TENM1: variants seen among roughly 807,000 people sequenced by gnomAD.
TENM1 encodes teneurin-1.
TENM1 carries 35 observed loss-of-function variants against 174.8 expected under a neutral mutation model. That is an observed-to-expected ratio of 0.20 (90% confidence interval 0.15 to 0.27). The LOEUF (loss-of-function observed/expected upper bound fraction) is 0.27, where lower values mean the gene tolerates loss of function less well. Ranked by LOEUF, TENM1 falls within the 10% of genes least tolerant of loss-of-function variation. TENM1 has a pLI of 1.00. For synonymous variants in TENM1, 781 were observed against 798.7 expected (o/e 0.98, Z 0.37); for missense variants, 1,633 against 2,130.1 (o/e 0.77, Z 4.59).
At chrX:125,116,865 G>T in the TENM1 span, among the ~76,000 whole-genome samples, 1 of 110,686 alleles carries the variant, frequency 9.0e-6, no homozygotes, top group Non-Finnish European at 1.9e-5. Context: ...CAAAAAATTA[G>T]CCAGGTGTAG....
intron 21 of TENM1, among the ~76,000 whole-genome samples, chrX:124,484,109 G>C (rs1233142520): frequency 9.0e-6 from 1 of 111,417 alleles, no homozygotes; most frequent in Non-Finnish European, 1.9e-5. Context: ...AGGAGTACTG[G>C]TCAGGTATTT....
chrX:124,649,997 T>A, intron 8 of TENM1, among the ~76,000 whole-genome samples: 1 of 106,305 alleles, frequency 9.4e-6, no homozygotes. Context: ...AGGTCAGGAG[T>A]TTGAGAGCAG....
intron 4 of TENM1, among the ~76,000 whole-genome samples, chrX:124,715,711 A>C (rs911275773): frequency 3.8e-5 from 4 of 106,243 alleles, no homozygotes; most frequent in Non-Finnish European, 7.7e-5. Flanking sequence ...GCTCGGTGCA[A>C]AGGCGTGATC....
chrX:124,437,996 C>T (rs1316113639), intron 23 of TENM1, among the ~76,000 whole-genome samples: 1 of 112,253 alleles, frequency 8.9e-6, no homozygotes, highest in African/African-American at 3.2e-5. Context: ...CTGATTCGTG[C>T]ACTTTCCCCT....
intron 5 of TENM1, chrX:124,688,421 A>C (rs1187483826): frequency 1.9e-5 from 2 of 107,208 alleles, no homozygotes; most frequent in East Asian, 5.9e-4. Flanking sequence ...TTTTTCTTTT[A>C]TTTTTTTTTA....
intron 3 of TENM1, among the ~76,000 whole-genome samples, chrX:124,829,161 C>T (rs1361663262): frequency 8.9e-6 from 1 of 111,836 alleles, no homozygotes; most frequent in Admixed American, 9.5e-5. Flanking sequence ...AAGATTATGG[C>T]AAAAATAATC....
intron 23 of TENM1, among the ~76,000 whole-genome samples, chrX:124,446,703 T>C (rs1202109859): frequency 3.5e-5 from 4 of 112,774 alleles, no homozygotes; most frequent in South Asian, 7.3e-4. Context: ...CAAGAAACTT[T>C]AGAAATTTGG....
intron 3 of TENM1, among the ~76,000 whole-genome samples, chrX:124,752,080 A>C (rs1016240879): frequency 9.0e-6 from 1 of 110,866 alleles, no homozygotes; most frequent in African/African-American, 3.3e-5. Context: ...GACTTCCACA[A>C]TGGTTGAACT....
At chrX:124,729,964 G>T (rs769288364) in intron 4 of TENM1, among the ~76,000 whole-genome samples, 1 of 111,273 alleles carries the variant, frequency 9.0e-6, no homozygotes, top group Non-Finnish European at 1.9e-5. Flanking sequence ...ACTCCCCGCC[G>T]GTTCAAGCGA....
At chrX:125,129,586 T>C in the TENM1 span, among the ~76,000 whole-genome samples, 1 of 109,806 alleles carries the variant, frequency 9.1e-6, no homozygotes, top group Non-Finnish European at 1.9e-5. Flanking sequence ...TATCTCCACT[T>C]CCCCCCACCC....
Position 124,522,503 on chromosome X carries a change from G to A in TENM1, c.3033+861C>T, listed in dbSNP as rs190047594. Among the ~76,000 whole-genome samples, 30 of 109,534 alleles carry A rather than the reference G, an allele frequency of 2.7e-4. No homozygotes were observed. In the East Asian group the frequency reaches 7.5e-3, roughly 27 times the overall value. ...TAATTCTCAGGAATGTTAAAATATCGAGGTTCAAAAATGTCTTCTCCTGAC... is the reference window on the plus strand; with the variant it reads ...TAATTCTCAGGAATGTTAAAATATCAAGGTTCAAAAATGTCTTCTCCTGAC... On this transcript the variant is annotated intron_variant, in intron 17 of 31. Transcript: ENST00000422452.
intron 15 of TENM1, among the ~76,000 whole-genome samples, chrX:124,543,143 A>T (rs752942032): frequency 8.9e-6 from 1 of 112,552 alleles, no homozygotes; most frequent in Non-Finnish European, 1.9e-5. Context: ...TGTCCCATCC[A>T]GAGGGGCAGC....
chrX:125,185,661 T>C, the TENM1 span, among the ~76,000 whole-genome samples: 1 of 112,177 alleles, frequency 8.9e-6, no homozygotes, highest in African/African-American at 3.2e-5. Flanking sequence ...GTCCAGAAGT[T>C]ATGGGAATCA....
intron 25 of TENM1, among the ~76,000 whole-genome samples, chrX:124,412,449 A>G (rs943376250): frequency 1.8e-5 from 2 of 112,582 alleles, no homozygotes; most frequent in African/African-American, 6.5e-5. Context: ...TTTAAGCCAG[A>G]GTTAAACTGT....
intron 5 of TENM1, among the ~76,000 whole-genome samples, chrX:124,672,385 G>A (rs1324486422): frequency 9.0e-6 from 1 of 111,544 alleles, no homozygotes; most frequent in Non-Finnish European, 1.9e-5. Flanking sequence ...ATAATATTAT[G>A]CAGAATGATT....
chrX:124,537,618 T>C (rs1384209052), intron 15 of TENM1, among the ~76,000 whole-genome samples: 1 of 112,060 alleles, frequency 8.9e-6, no homozygotes, highest in Non-Finnish European at 1.9e-5. Flanking sequence ...TATGGCTACC[T>C]GGAGAAATTT....
the TENM1 span, among the ~76,000 whole-genome samples, chrX:125,029,885 C>T: frequency 0.075 from 8,352 of 111,364 alleles, 759 homozygotes; most frequent in African/African-American, 0.26. Flanking sequence ...CCAAAGCTAC[C>T]AAGTAGGGAA....
intron 5 of TENM1, among the ~76,000 whole-genome samples, chrX:124,683,399 C>T (rs929749899): frequency 3.6e-5 from 4 of 111,851 alleles, no homozygotes; most frequent in South Asian, 3.8e-4. Context: ...ACTGGAATAT[C>T]GGACTAATGA....
At chrX:124,949,357 G>GA (rs1453840935) in intron 1 of TENM1, among the ~76,000 whole-genome samples, 2 of 111,612 alleles carry the variant, frequency 1.8e-5, no homozygotes, top group Admixed American at 1.9e-4. Context: ...CTCATTATAA[G>GA]AAAAAAACTG....
Sources: allele counts gnomAD v4.1 joint callset (sites outside exome capture counted in the v4.1 genomes callset), GRCh38; gene constraint gnomAD v4.1.1; transcripts MANE v1.5; gene names NCBI Gene and HGNC (gene_info 2026-07-23, HGNC 2026-07-21).